DCAF6: variants seen among roughly 807,000 people sequenced by gnomAD.
DCAF6 encodes the protein DDB1 and CUL4 associated factor 6, also known as DDB1- and CUL4-associated factor 6.
DCAF6 carries 54 observed loss-of-function variants against 125.1 expected under a neutral mutation model. That is an observed-to-expected ratio of 0.43 (90% confidence interval 0.35 to 0.54). The LOEUF (loss-of-function observed/expected upper bound fraction) is 0.54. DCAF6 is among the 20% of genes least tolerant of loss of function. DCAF6 has a pLI of 0.01. For synonymous variants in DCAF6, 371 were observed against 390.4 expected (o/e 0.95, Z 0.58); for missense variants, 934 against 1,161.7 (o/e 0.80, Z 2.85).
At chr1:167,898,066 A>T in the DCAF6 span, among the ~76,000 whole-genome samples, 2 of 150,702 alleles carry the variant, frequency 1.3e-5, no homozygotes, top group African/African-American at 4.9e-5. Context: ...CAGTCCTGGA[A>T]CATTCCACTA....
intron 5 of DCAF6, among the ~76,000 whole-genome samples, chr1:167,988,008 T>C (rs187875317): frequency 1.2e-3 from 184 of 152,208 alleles, no homozygotes; most frequent in East Asian, 8.9e-3. Flanking sequence ...TGTCTTTTTT[T>C]CTCCTGTCTT....
chr1:167,891,754 G>A, the DCAF6 span, among the ~76,000 whole-genome samples: 1 of 151,870 alleles, frequency 6.6e-6, no homozygotes, highest in Non-Finnish European at 1.5e-5. Context: ...CAAATCAATG[G>A]GGGAAAATCA....
intron 2 of DCAF6, among the ~76,000 whole-genome samples, chr1:167,954,447 A>AT (rs1040436976): frequency 3.3e-5 from 4 of 121,400 alleles, no homozygotes; most frequent in Admixed American, 1.6e-4. Context: ...TTTATTTTTT[A>AT]TTTTTTTATT....
At chr1:167,984,244 A>G (rs945257785) in intron 4 of DCAF6, among the ~76,000 whole-genome samples, 2 of 152,218 alleles carry the variant, frequency 1.3e-5, no homozygotes, top group Admixed American at 6.5e-5. Context: ...CAGCCATTGC[A>G]GAAGTGCTTC....
chr1:168,024,057 A>C (rs1350154283), intron 12 of DCAF6: 2 of 151,910 alleles, frequency 1.3e-5, no homozygotes, highest in Non-Finnish European at 2.9e-5. Flanking sequence ...TCTTAAAAAA[A>C]AAAAAATTAA....
At chr1:167,864,452 G>A in the DCAF6 span, among the ~76,000 whole-genome samples, 1 of 152,180 alleles carries the variant, frequency 6.6e-6, no homozygotes, top group Non-Finnish European at 1.5e-5. Flanking sequence ...ATGGCACAAG[G>A]TAACCTGTAA....
intron 10 of DCAF6, among the ~76,000 whole-genome samples, chr1:168,008,628 C>T (rs1446274329): frequency 6.6e-6 from 1 of 152,008 alleles, no homozygotes; most frequent in East Asian, 1.9e-4. Flanking sequence ...TTCAGAAGTT[C>T]CTAATTGCAT....
intron 1 of DCAF6, among the ~76,000 whole-genome samples, chr1:167,937,828 CT>C (rs1671557973): frequency 6.6e-6 from 1 of 151,982 alleles, no homozygotes; most frequent in South Asian, 2.1e-4. Flanking sequence ...TAGTAAAGGT[CT>C]TTTTTGTTTC....
chr1:167,970,535 T>A (rs1677149079), intron 3 of DCAF6, among the ~76,000 whole-genome samples: 1 of 152,096 alleles, frequency 6.6e-6, no homozygotes, highest in South Asian at 2.1e-4. Flanking sequence ...GTAGTCCCAG[T>A]TACTCGGGAG....
the DCAF6 span, among the ~76,000 whole-genome samples, chr1:167,866,958 A>T: frequency 6.6e-6 from 1 of 152,166 alleles, no homozygotes; most frequent in Non-Finnish European, 1.5e-5. Context: ...CTTAGGCAAA[A>T]CCTAAACATA....
chr1:168,032,371 C>T (rs538625058), intron 12 of DCAF6, among the ~76,000 whole-genome samples: 140 of 152,314 alleles, frequency 9.2e-4, no homozygotes, highest in Non-Finnish European at 1.4e-3. Context: ...TCCAGATATG[C>T]TTCCTTATAC....
At chr1:167,927,080 C>G in the DCAF6 span, among the ~76,000 whole-genome samples, 4 of 152,176 alleles carry the variant, frequency 2.6e-5, no homozygotes, top group Admixed American at 2.6e-4. Flanking sequence ...GCCAACAGAA[C>G]TGAATTGGAT....
chr1:168,030,003 C>A (rs1356597672), intron 12 of DCAF6, among the ~76,000 whole-genome samples: 1 of 149,816 alleles, frequency 6.7e-6, no homozygotes, highest in Non-Finnish European at 1.5e-5. Flanking sequence ...AGAAAAGAAA[C>A]ATGTCTAAGG....
intron 3 of DCAF6, among the ~76,000 whole-genome samples, chr1:167,967,849 G>A (rs1571714619): frequency 6.7e-6 from 1 of 149,960 alleles, no homozygotes; most frequent in East Asian, 2.0e-4. Context: ...TCCTGCCTCA[G>A]CCTCCCAAGG....
chr1:168,063,726 G>A lies in DCAF6; in HGVS notation c.2406G>A (p.Met802Ile). 1 of 1,604,678 alleles carries A rather than the reference G, an allele frequency of 6.2e-7. No homozygotes were observed. Among genetic ancestry groups the A allele is most frequent in the South Asian group, 1.1e-5 (1 of 89,020 alleles). ...ACATTAGAAGGCCGCTAGTAAAAAT[G>A]GTTTATAAAGGCCATCGCAACTCCA... ...TLNIRRPLVK[M>I]VYKGHRNSRT... Residue 802 changes from methionine (M) to isoleucine (I), a missense_variant, in exon 18 of 22, where the codon ATG becomes ATA. By Grantham distance (10) the Met-to-Ile change is conservative. Around this residue, in one of 5 missense-constraint regions of DCAF6, gnomAD observed 559 missense variants for 635.5 expected, o/e 0.88. Transcript: ENST00000367840.
chr1:167,963,527 G>C (rs565057400), intron 2 of DCAF6, among the ~76,000 whole-genome samples: 1 of 147,492 alleles, frequency 6.8e-6, no homozygotes, highest in African/African-American at 2.5e-5. Context: ...TGCTACCTCC[G>C]CCTCCCAGGT....
At chr1:168,005,389 T>C (rs879449676) in intron 10 of DCAF6, among the ~76,000 whole-genome samples, 18 of 151,980 alleles carry the variant, frequency 1.2e-4, no homozygotes, top group Admixed American at 1.2e-3. Context: ...GTTAAAATGC[T>C]ATTTTTTTCT....
At chr1:168,047,704 G>A (rs1396962540) in intron 16 of DCAF6, among the ~76,000 whole-genome samples, 1 of 151,234 alleles carries the variant, frequency 6.6e-6, no homozygotes, top group South Asian at 2.1e-4. Context: ...ATATATATAT[G>A]TGTGTGTGTG....
intron 10 of DCAF6, among the ~76,000 whole-genome samples, chr1:168,013,744 GATT>G (rs1194621545): frequency 3.3e-5 from 5 of 151,710 alleles, no homozygotes; most frequent in Non-Finnish European, 7.4e-5. Flanking sequence ...AACTTCTCTT[GATT>G]ATTATTATTA....
Sources: gnomAD v4.1 joint callset for allele counts (sites outside exome capture counted in the v4.1 genomes callset) on GRCh38, gnomAD v4.1.1 for gene constraint, gnomAD v4.1.1 regional missense constraint, MANE v1.5 for transcripts, NCBI Gene and HGNC (gene_info 2026-07-23, HGNC 2026-07-21) for gene names.